The following EXT1 variants were observed in gnomAD, a reference collection of about 807,000 sequenced individuals.
EXT1 encodes exostosin-1.
Under a neutral mutation model 82.5 loss-of-function variants are expected in EXT1, and 20 were observed. The observed-to-expected ratio is 0.24, with a 90% CI of 0.17 to 0.35. The LOEUF (loss-of-function observed/expected upper bound fraction) is 0.35, where lower values mean the gene tolerates loss of function less well. Ranked by LOEUF, EXT1 falls within the 10% of genes least tolerant of loss-of-function variation. EXT1 has a pLI of 1.00. For missense variants in EXT1, 757 were observed against 936.5 expected, an observed-to-expected ratio of 0.81 and a Z score of 2.50; for synonymous variants, 348 against 350.8, an observed-to-expected ratio of 0.99 and a Z score of 0.09.
At chr8:118,083,450 C>G (rs1817366411) in intron 1 of EXT1, among the ~76,000 whole-genome samples, 1 of 152,154 alleles carries the variant, frequency 6.6e-6, no homozygotes, top group African/African-American at 2.4e-5. Flanking sequence ...TTTAATGATT[C>G]AGGTTGTCAA....
At chr8:117,913,466 A>G (rs1362099789) in intron 1 of EXT1, among the ~76,000 whole-genome samples, 1 of 152,176 alleles carries the variant, frequency 6.6e-6, no homozygotes, top group Non-Finnish European at 1.5e-5. Flanking sequence ...TTTTTAAACC[A>G]TGTGGAGAAT....
chr8:117,982,364 C>T (rs1298655814), intron 1 of EXT1, among the ~76,000 whole-genome samples: 2 of 152,268 alleles, frequency 1.3e-5, no homozygotes, highest in Admixed American at 1.3e-4. Context: ...AAAGAAGATG[C>T]TTCCTCATGG....
chr8:117,915,221 C>G (rs912081445), intron 1 of EXT1, among the ~76,000 whole-genome samples: 2 of 152,150 alleles, frequency 1.3e-5, no homozygotes, highest in Admixed American at 6.5e-5. Context: ...CACTAAGAAA[C>G]TATTTCAATA....
intron 4 of EXT1, among the ~76,000 whole-genome samples, chr8:117,827,939 G>A (rs962068152): frequency 1.3e-4 from 19 of 151,150 alleles, no homozygotes; most frequent in African/African-American, 4.6e-4. Flanking sequence ...TGTACATAAA[G>A]GAAAAAAGCC....
chr8:118,065,394 A>G (rs1463393567), intron 1 of EXT1, among the ~76,000 whole-genome samples: 3 of 152,202 alleles, frequency 2.0e-5, no homozygotes, highest in Non-Finnish European at 4.4e-5. Context: ...GGATACAAGG[A>G]AAGATCAGGT....
At chr8:117,993,731 C>A (rs977716869) in intron 1 of EXT1, among the ~76,000 whole-genome samples, 1 of 152,294 alleles carries the variant, frequency 6.6e-6, no homozygotes, top group East Asian at 1.9e-4. Context: ...GAAGGAAACC[C>A]GTACAACTGT....
At chr8:118,022,917 G>A (rs940260274) in intron 1 of EXT1, among the ~76,000 whole-genome samples, 5 of 152,082 alleles carry the variant, frequency 3.3e-5, no homozygotes, top group Admixed American at 3.3e-4. Context: ...TAGCACCCAC[G>A]TATATTTTAA....
intron 1 of EXT1, among the ~76,000 whole-genome samples, chr8:117,952,175 A>G (rs1016793629): frequency 6.6e-6 from 1 of 152,214 alleles, no homozygotes; most frequent in Non-Finnish European, 1.5e-5. Context: ...AGCACACATC[A>G]GTCATAAAAA....
At chr8:117,953,291 G>C (rs1396933792) in intron 1 of EXT1, among the ~76,000 whole-genome samples, 1 of 152,148 alleles carries the variant, frequency 6.6e-6, no homozygotes, top group Non-Finnish European at 1.5e-5. Context: ...GCATAACCAT[G>C]CTAGACTGCC....
intron 4 of EXT1, among the ~76,000 whole-genome samples, chr8:117,825,601 T>C (rs1242025972): frequency 6.6e-6 from 1 of 152,222 alleles, no homozygotes. Context: ...TATTTTACTT[T>C]TATGTATCCT....
At chr8:117,836,025 G>A (rs1405679427) in intron 2 of EXT1, among the ~76,000 whole-genome samples, 4 of 152,308 alleles carry the variant, frequency 2.6e-5, no homozygotes, top group East Asian at 1.9e-4. Flanking sequence ...GCAGCAGTTC[G>A]TGGACTTAAC....
chr8:117,941,935 C>T (rs1183806430), intron 1 of EXT1, among the ~76,000 whole-genome samples: 2 of 152,192 alleles, frequency 1.3e-5, no homozygotes, highest in Non-Finnish European at 2.9e-5. Flanking sequence ...GCTAATGCTA[C>T]AATCCTAGTT....
At chr8:117,942,499 G>A (rs759558819) in intron 1 of EXT1, among the ~76,000 whole-genome samples, 2 of 152,100 alleles carry the variant, frequency 1.3e-5, no homozygotes, top group Admixed American at 1.3e-4. Context: ...ATCACCTGAG[G>A]TCGGGAGTTC....
At chr8:118,025,119 C>T (rs1427310245) in intron 1 of EXT1, among the ~76,000 whole-genome samples, 1 of 152,184 alleles carries the variant, frequency 6.6e-6, no homozygotes, top group Non-Finnish European at 1.5e-5. Context: ...TTCCCTGTCA[C>T]TGTACTGGGG....
At chr8:118,018,578 G>A (rs1392766115) in intron 1 of EXT1, among the ~76,000 whole-genome samples, 1 of 152,160 alleles carries the variant, frequency 6.6e-6, no homozygotes, top group East Asian at 1.9e-4. Context: ...GCAGACCTAG[G>A]AAACTAATAC....
At chr8:118,005,852 A>C (rs549975380) in intron 1 of EXT1, among the ~76,000 whole-genome samples, 1 of 152,344 alleles carries the variant, frequency 6.6e-6, no homozygotes, top group South Asian at 2.1e-4. Flanking sequence ...TTCACTTTAC[A>C]AATTTGGCCA....
chr8:117,826,860 A>T (rs770355187), intron 4 of EXT1, among the ~76,000 whole-genome samples: 4 of 152,212 alleles, frequency 2.6e-5, no homozygotes, highest in African/African-American at 7.2e-5. Flanking sequence ...AGGCCTTTTC[A>T]GGTTCAGAGA....
rs139893401 is a variant in EXT1, at chr8:117,812,785, G to C, written c.1722+87C>G. On this transcript the variant is annotated intron_variant, in intron 8 of 10. Coordinates refer to ENST00000378204, the MANE Select transcript of EXT1 (RefSeq NM_000127.3). ...AAAAATGTTTTCAACTTCTGCCAAGGCACGGCTAAAAGAAGCATTAGCATC... is the reference window on the plus strand; with the variant it reads ...AAAAATGTTTTCAACTTCTGCCAAGCCACGGCTAAAAGAAGCATTAGCATC... 1.4e-4 allele frequency: 175 copies of C among 1,217,798 alleles called. No individual in the cohort carries two copies. In the African/African-American group the frequency reaches 2.1e-3, roughly 15 times the overall value. The allele number at this position is 1,217,798 out of a possible 1,614,324, so 75.4% of individuals were successfully genotyped here. A position where few individuals can be genotyped will look rare whatever the true frequency, so the allele number is the denominator to read the frequency against.
Position 118,110,196 on chromosome 8 carries a change from T to C in EXT1, c.851A>G (p.Tyr284Cys). The C allele has an allele frequency of 6.2e-7, 1 of 1,614,244 alleles. No individual in the cohort carries two copies. Among genetic ancestry groups the C allele is most frequent in the Non-Finnish European group, 8.5e-7 (1 of 1,180,034 alleles). Reference protein sequence around the residue: ...GIGSDTRNALYHVHNGEDVVL... With the variant: ...GIGSDTRNALCHVHNGEDVVL... Reference sequence around the variant, plus strand: ...AACGTCCTCCCCGTTATGGACGTGATATAAGGCATTCCTGGTGTCTGATCC... The same window carrying C: ...AACGTCCTCCCCGTTATGGACGTGACATAAGGCATTCCTGGTGTCTGATCC... Residue 284 changes from tyrosine to cysteine, a missense_variant, in exon 1 of 11, where the codon TAT becomes TGT. Tyr to Cys is a radical substitution (Grantham distance 194, BLOSUM62 -2). Coordinates refer to ENST00000378204, the MANE Select transcript of EXT1 (RefSeq NM_000127.3).
Sources: allele counts gnomAD v4.1 joint callset (sites outside exome capture counted in the v4.1 genomes callset), GRCh38; gene constraint gnomAD v4.1.1; transcripts MANE v1.5; gene names NCBI Gene and HGNC (gene_info 2026-07-23, HGNC 2026-07-21).